Variants in FBXL20 observed in about 807,000 individuals in gnomAD.
FBXL20 encodes the protein F-box/LRR-repeat protein 20.
A neutral mutation model predicts 64.0 loss-of-function variants in FBXL20; 11 were observed. That is an observed-to-expected ratio of 0.17 (90% CI 0.11 to 0.28). The LOEUF (loss-of-function observed/expected upper bound fraction) is 0.28. FBXL20 is among the 10% of genes least tolerant of loss of function. FBXL20 has a pLI of 1.00. For missense variants in FBXL20, 303 were observed against 526.2 expected (o/e 0.58, Z 4.15); for synonymous variants, 184 against 189.0 (o/e 0.97, Z 0.22).
intron 2 of FBXL20, among the ~76,000 whole-genome samples, chr17:39,313,147 G>A (rs2047251937): frequency 6.6e-6 from 1 of 151,080 alleles, no homozygotes; most frequent in Non-Finnish European, 1.5e-5. Context: ...GCAAACTCCT[G>A]ACCTCATGAT....
intron 2 of FBXL20, among the ~76,000 whole-genome samples, chr17:39,337,132 C>T (rs1407814510): frequency 6.6e-5 from 10 of 152,230 alleles, no homozygotes; most frequent in Admixed American, 1.3e-4. Context: ...ATTGCAGGCG[C>T]GCGCCGCCAC....
At chr17:39,402,531 G>C (rs941516189), upstream of FBXL20, 2 of 267,696 alleles carry the variant, frequency 7.5e-6, no homozygotes, top group Non-Finnish European at 1.4e-5. Flanking sequence ...GGCCGGGGTC[G>C]GGGCGCGCGT....
intron 1 of FBXL20, among the ~76,000 whole-genome samples, chr17:39,368,499 C>T (rs925875515): frequency 6.6e-6 from 1 of 152,170 alleles, no homozygotes. Context: ...CCTACCAAGT[C>T]CTAAGTCTCT....
At position 39,318,538 on chromosome 17, in the gene FBXL20, C is replaced by T. The variant is rs542345935; in HGVS notation, c.105-14899G>A. Among the ~76,000 whole-genome samples the T allele has an allele frequency of 1.3e-4, 19 of 151,892 alleles. No individual in the cohort carries two copies. The South Asian group carries it at 4.0e-3, about 32-fold the overall frequency. On this transcript the variant is annotated intron_variant, in intron 2 of 14. Coordinates refer to ENST00000264658, the MANE Select transcript of FBXL20 (RefSeq NM_032875.3). ...GGCAGATCACCTGAGATCGAGAGTT[C>T]GAGACCAGCCTGACGAACATGGAGA...
rs2047870209 is a variant in FBXL20 at position 39,367,309 on chromosome 17, TTTTTC to T, written c.43-24073_43-24069del. On this transcript the variant is annotated intron_variant, in intron 1 of 14. Coordinates refer to ENST00000264658, the MANE Select transcript of FBXL20 (RefSeq NM_032875.3). ...CAAACATTGGACCTCCTGGTTTATC[TTTTTC>T]TTTTCTTTTTTTTTTTTTTGGAGAT... 2.6e-5 allele frequency among the ~76,000 whole-genome samples: 4 copies of T among 151,842 alleles called. No homozygotes were observed. The South Asian group carries it at 6.2e-4, about 24-fold the overall frequency.
intron 2 of FBXL20, among the ~76,000 whole-genome samples, chr17:39,337,811 G>A (rs549805616): frequency 6.7e-6 from 1 of 149,716 alleles, no homozygotes; most frequent in African/African-American, 2.5e-5. Flanking sequence ...GCCCCGTCCA[G>A]GAGGGAGGTG....
At chr17:39,397,975 T>C in intron 1 of FBXL20, among the ~76,000 whole-genome samples, 1 of 142,062 alleles carries the variant, frequency 7.0e-6, no homozygotes, top group South Asian at 2.2e-4. Context: ...ATCGTAAAAC[T>C]AGAGGTAACT....
At chr17:39,323,945 T>C (rs1256998483) in intron 2 of FBXL20, among the ~76,000 whole-genome samples, 1 of 149,756 alleles carries the variant, frequency 6.7e-6, no homozygotes, top group East Asian at 1.9e-4. Context: ...TTTGTATTTT[T>C]AGTAGAGACG....
chr17:39,356,544 C>T (rs908606566), intron 1 of FBXL20, among the ~76,000 whole-genome samples: 3 of 152,102 alleles, frequency 2.0e-5, no homozygotes, highest in Non-Finnish European at 2.9e-5. Context: ...TTTATAGAGA[C>T]GGGATTTCGC....
At chr17:39,385,850 T>C (rs529896305) in intron 1 of FBXL20, among the ~76,000 whole-genome samples, 23 of 150,818 alleles carry the variant, frequency 1.5e-4, no homozygotes, top group African/African-American at 4.4e-4. Context: ...GCAAACATGA[T>C]GAAATCCTGT....
intron 2 of FBXL20, among the ~76,000 whole-genome samples, chr17:39,312,730 C>T (rs71369742): frequency 0.055 from 7,565 of 137,086 alleles, 640 homozygotes; most frequent in African/African-American, 0.21. Flanking sequence ...CCTGCCACCA[C>T]GCCTGGCTAA....
At chr17:39,317,593 GA>G (rs1180536591) in intron 2 of FBXL20, among the ~76,000 whole-genome samples, 6 of 146,736 alleles carry the variant, frequency 4.1e-5, no homozygotes, top group Non-Finnish European at 6.0e-5. Context: ...TATAAAGAAG[GA>G]AAAAAAATGA....
At chr17:39,350,210 A>C (rs2047674368) in intron 1 of FBXL20, among the ~76,000 whole-genome samples, 1 of 152,190 alleles carries the variant, frequency 6.6e-6, no homozygotes, top group Non-Finnish European at 1.5e-5. Context: ...ATATAAAAAC[A>C]AAGAAGCACC....
chr17:39,362,011 G>C (rs1040694013), intron 1 of FBXL20, among the ~76,000 whole-genome samples: 51 of 151,732 alleles, frequency 3.4e-4, no homozygotes, highest in Admixed American at 5.9e-4. Flanking sequence ...GCCCTGGCCA[G>C]GCATGGTGGC....
intron 1 of FBXL20, among the ~76,000 whole-genome samples, chr17:39,366,091 C>T (rs2047857454): frequency 6.6e-6 from 1 of 152,064 alleles, no homozygotes; most frequent in Admixed American, 6.6e-5. Context: ...AATCCTCCAG[C>T]CTCAGTCTCT....
chr17:39,264,328 G>C lies in FBXL20; in HGVS notation c.1050C>G (p.Ala350=), dbSNP rs376913650. 8 of 1,614,008 alleles carry C rather than the reference G, an allele frequency of 5.0e-6. No individual in the cohort carries two copies. The African/African-American group carries it at 1.1e-4, about 22-fold the overall frequency. Residue 350 remains alanine (A), a synonymous_variant, in exon 14 of 15, where the codon GCC becomes GCG. Transcript: ENST00000264658. ...DDGIRHLGNG[A]CAHDQLEVIE... ...TCACCTCCAGCTGGTCATGGGCGCA[G>C]GCCCCATTCCCCAGGTGACGAATTC...
intron 3 of FBXL20, among the ~76,000 whole-genome samples, chr17:39,302,172 T>C (rs932975935): frequency 3.9e-5 from 6 of 151,974 alleles, no homozygotes; most frequent in African/African-American, 1.5e-4. Flanking sequence ...TATTGCTCTA[T>C]TCTCACTCTC....
At chr17:39,383,071 G>A (rs1254384637) in intron 1 of FBXL20, among the ~76,000 whole-genome samples, 1 of 150,232 alleles carries the variant, frequency 6.7e-6, no homozygotes, top group East Asian at 2.0e-4. Context: ...GCTCAGGTCG[G>A]AGAATCTCTT....
intron 2 of FBXL20, among the ~76,000 whole-genome samples, chr17:39,315,236 C>T (rs563200348): frequency 6.6e-6 from 1 of 151,798 alleles, no homozygotes; most frequent in African/African-American, 2.4e-5. Flanking sequence ...CTAGGGAGTG[C>T]GAATTGGTAC....
Sources: allele counts gnomAD v4.1 joint callset (sites outside exome capture counted in the v4.1 genomes callset), GRCh38; gene constraint gnomAD v4.1.1; transcripts MANE v1.5; gene names NCBI Gene and HGNC (gene_info 2026-07-23, HGNC 2026-07-21).